The following EPHA1 variants were observed in gnomAD, a reference collection of about 807,000 sequenced individuals.
The protein encoded by EPHA1 is EPH receptor A1, also known as ephrin type-A receptor 1.
Under a neutral mutation model 110.1 loss-of-function variants are expected in EPHA1, and 92 were observed. The ratio of observed to expected loss-of-function variants is 0.84; its 90% CI spans 0.71 to 0.99. The LOEUF is 0.99. Ranked by LOEUF, EPHA1 falls within the 50% of genes least tolerant of loss-of-function variation. The pLI, the probability that EPHA1 is intolerant of heterozygous loss-of-function variation, is 0.00. For missense variants in EPHA1, 1,204 were observed against 1,285.4 expected, an observed-to-expected ratio of 0.94 and a Z score of 0.97; for synonymous variants, 500 against 516.1, an observed-to-expected ratio of 0.97 and a Z score of 0.42.
At chr7:143,398,186 C>T (rs1021182740) in intron 7 of EPHA1, 116 bp from the exon 8 acceptor site, 87 of 1,573,752 alleles carry the variant, frequency 5.5e-5, no homozygotes, top group Non-Finnish European at 6.9e-5. Flanking sequence ...GGACAGGGTT[C>T]TTCATAGACT....
chr7:143,394,780 G>A (rs1461492660), intron 14 of EPHA1, 28 bp downstream of exon 14: 3 of 1,612,650 alleles, frequency 1.9e-6, no homozygotes, highest in South Asian at 1.1e-5. Flanking sequence ...CAATGTGAAT[G>A]TGCACTGGGT....
At chr7:143,405,781 C>T (rs775409849) in intron 2 of EPHA1, among the ~76,000 whole-genome samples, 1 of 152,128 alleles carries the variant, frequency 6.6e-6, no homozygotes, top group African/African-American at 2.4e-5. Flanking sequence ...TCTATTAGCT[C>T]TAATTACAGG....
chr7:143,401,243 C>T lies in EPHA1; in HGVS notation c.432+81G>A, dbSNP rs1445907027. 1 of 1,537,482 alleles carries T rather than the reference C, an allele frequency of 6.5e-7. No homozygotes were observed. Among genetic ancestry groups the T allele is most frequent in the Non-Finnish European group, 8.8e-7 (1 of 1,138,530 alleles). ...TTCTACCTCTGCACCCTCTTCCTGT[C>T]TCTGCAACCTTCTCTGGCACCCAAT... On this transcript the variant is annotated intron_variant, in intron 3 of 17. Transcript: ENST00000275815. The surrounding 1 kb of genome is among the most constrained non-coding windows in gnomAD (Gnocchi z 4.1).
chr7:143,397,917 C>T lies in EPHA1; in HGVS notation c.1615+3G>A, dbSNP rs1476983045. The T allele has an allele frequency of 1.2e-6, 2 of 1,613,784 alleles. No individual in the cohort carries two copies. The highest frequency in any genetic ancestry group is 1.7e-5 in the Admixed American group (1 of 59,996). ...TGTTGGGGCAGAGCACAAGATACCCCACCTGGTGGGCTGGTCCGAAACTCA... is the reference window on the plus strand; with the variant it reads ...TGTTGGGGCAGAGCACAAGATACCCTACCTGGTGGGCTGGTCCGAAACTCA... On this transcript the variant is annotated splice_donor_region_variant and intron_variant, in intron 8 of 17. Transcript: ENST00000275815.
In EPHA1 at chr7:143,401,551, A is replaced by G; in HGVS notation, c.205T>C (p.Cys69Arg). 6.2e-7 allele frequency: 1 copy of G among 1,614,150 alleles called. No homozygotes were observed. ...GTGTCTCTGCGTCCTTGCATTGGGC[A>G]GTCCTGGTACATGTACAGGGGTGTC... ...NGTPLYMYQD[C>R]PMQGRRDTDH... is the part of the protein sequence containing the mutation. The change falls in exon 3 of 18, where the codon TGC becomes CGC. Residue 69 changes from cysteine to arginine, a missense_variant. Coordinates refer to ENST00000275815, the MANE Select transcript of EPHA1 (RefSeq NM_005232.5). This position sits in a 1 kb window ranked among gnomAD's most constrained non-coding sequence, Gnocchi z 4.1.
rs939797299 is a variant in EPHA1 at position 143,401,023 on chromosome 7, C to A, written c.432+301G>T. ...ATCCTCCTGCCTCAGCCTCCTGAGT[C>A]GCTGGGACTACAGGTATGGGCCACC... On this transcript the variant is annotated intron_variant, in intron 3 of 17. Coordinates refer to ENST00000275815, the MANE Select transcript of EPHA1 (RefSeq NM_005232.5). The surrounding 1 kb of genome is among the most constrained non-coding windows in gnomAD (Gnocchi z 4.1). 8.6e-5 allele frequency: 33 copies of A among 384,150 alleles called. No homozygotes were observed. Among genetic ancestry groups the A allele is most frequent in the Middle Eastern group, 7.8e-4 (1 of 1,278 alleles). The allele number at this position is 384,150 out of a possible 1,614,324, so 23.8% of individuals were successfully genotyped here. A position where few individuals can be genotyped will look rare whatever the true frequency, so the allele number is the denominator to read the frequency against.
At chr7:143,407,953 C>T (rs1260569887) in intron 1 of EPHA1, 1 of 264,268 alleles carries the variant, frequency 3.8e-6, no homozygotes, top group Non-Finnish European at 7.2e-6. Flanking sequence ...GAAGAGCAGC[C>T]CCACGAGACG....
Position 143,393,860 on chromosome 7 carries a change from A to G in EPHA1, c.2507T>C (p.Met836Thr), listed in dbSNP as rs1805163746. 1 of 1,555,262 alleles carries G rather than the reference A, an allele frequency of 6.4e-7. No individual in the cohort carries two copies. Among genetic ancestry groups the G allele is most frequent in the Admixed American group, 1.9e-5 (1 of 53,922 alleles). Reference sequence around the variant, plus strand: ...CCGGTACCCATCCTCAATGCTCTTCATAACCTGCACGGCGGGACAGGAGGA... The same window carrying G: ...CCGGTACCCATCCTCAATGCTCTTCGTAACCTGCACGGCGGGACAGGAGGA... The part of the protein sequence containing the change: ...PYGEMSNQEV[M>T]KSIEDGYRLP... The change falls in exon 16 of 18, where the codon ATG becomes ACG. Residue 836 changes from methionine to threonine, a missense_variant. By Grantham distance (81) the Met-to-Thr change is moderately conservative (BLOSUM62 -1). Transcript: ENST00000275815. The surrounding 1 kb of genome is among the most constrained non-coding windows in gnomAD (Gnocchi z 5.6).
chr7:143,397,625 C>G lies in EPHA1; in HGVS notation c.1648G>C (p.Ala550Pro), dbSNP rs1805295088. The G allele has an allele frequency of 6.2e-7, 1 of 1,614,194 alleles. No individual in the cohort carries two copies. The highest frequency in any genetic ancestry group is 2.2e-5 in the East Asian group (1 of 44,876). ...SRGLTGGEIV[A>P]VIFGLLLGAA... ...CCAAGCAGCAGCCCAAAGATGACGGCTACAATCTCTCCTCCAGTCAGGCCC... is the reference window on the plus strand; with the variant it reads ...CCAAGCAGCAGCCCAAAGATGACGGGTACAATCTCTCCTCCAGTCAGGCCC... The change falls in exon 9 of 18, where the codon GCC (alanine) becomes CCC (proline). Residue 550 changes from alanine (A) to proline (P), a missense_variant. By Grantham distance (27) the Ala-to-Pro change is conservative. Coordinates refer to ENST00000275815, the MANE Select transcript of EPHA1 (RefSeq NM_005232.5).
At position 143,399,987 on chromosome 7, in the gene EPHA1, T is replaced by G. The variant is rs763757809; in HGVS notation, c.499A>C (p.Asn167His). 1.2e-6 allele frequency: 2 copies of G among 1,613,994 alleles called. No individual in the cohort carries two copies. Among genetic ancestry groups the G allele is most frequent in the Non-Finnish European group, 8.5e-7 (1 of 1,179,994 alleles). The change falls in exon 4 of 18, where the codon AAT becomes CAT. Residue 167 changes from asparagine to histidine, a missense_variant. By Grantham distance (68) the Asn-to-His change is moderately conservative. Coordinates refer to ENST00000275815, the MANE Select transcript of EPHA1 (RefSeq NM_005232.5). ...CGGCCCAGAGAGCAGCGCTCCACATTCAGCTTCACGGAGCCAGACACAAGG... is the reference window on the plus strand; with the variant it reads ...CGGCCCAGAGAGCAGCGCTCCACATGCAGCTTCACGGAGCCAGACACAAGG... ...RDLVSGSVKL[N>H]VERCSLGRLT...
At chr7:143,396,351 CG>C in intron 11 of EPHA1, 33 bp downstream of exon 11, 2 of 1,600,764 alleles carry the variant, frequency 1.2e-6, no homozygotes, top group Non-Finnish European at 1.7e-6. Context: ...CCCCACATGG[CG>C]GGGGGCCTGC....
chr7:143,394,893 A>C lies in EPHA1; in HGVS notation c.2267T>G (p.Leu756Trp). The change falls in exon 14 of 18, where the codon TTG (leucine) becomes TGG (tryptophan). Residue 756 changes from leucine (L) to tryptophan (W), a missense_variant. Coordinates refer to ENST00000275815, the MANE Select transcript of EPHA1 (RefSeq NM_005232.5). ...CTTGCAGCACAGGTTTTGATTCACC[A>C]AGATGTTTCTGGCAGCCAGGTCCCG... ...VHRDLAARNI[L>W]VNQNLCCKVS... 6.2e-7 allele frequency: 1 copy of C among 1,614,138 alleles called. No homozygotes were observed. The highest frequency in any genetic ancestry group is 8.5e-7 in the Non-Finnish European group (1 of 1,180,040).
intron 16 of EPHA1, among the ~76,000 whole-genome samples, 165 bp from the exon 17 acceptor site, chr7:143,391,940 T>C (rs963346778): frequency 6.6e-5 from 10 of 152,230 alleles, no homozygotes; most frequent in Non-Finnish European, 1.2e-4. Context: ...TCCTGGCCTG[T>C]TTCCTGGTGT....
rs570463202 is a variant in EPHA1, at chr7:143,396,236, G to C, written c.1897+149C>G. Reference sequence around the variant, plus strand: ...AACGCAATGGTTCAAAGAGGATACAGAGCAGAGCAGAGTGAGTACCTCTGG... The same window carrying C: ...AACGCAATGGTTCAAAGAGGATACACAGCAGAGCAGAGTGAGTACCTCTGG... On this transcript the variant is annotated intron_variant, in intron 11 of 17. Coordinates refer to ENST00000275815, the MANE Select transcript of EPHA1 (RefSeq NM_005232.5). 3.5e-6 allele frequency: 4 copies of C among 1,133,064 alleles called. No homozygotes were observed. The South Asian group carries it at 6.4e-5, about 18-fold the overall frequency. The allele number at this position is 1,133,064 out of a possible 1,614,324, so 70.2% of individuals were successfully genotyped here.
chr7:143,393,981 G>A lies in EPHA1; in HGVS notation c.2503-117C>T, dbSNP rs1805167076. 1 of 1,310,960 alleles carries A rather than the reference G, an allele frequency of 7.6e-7. No individual in the cohort carries two copies. Among genetic ancestry groups the A allele is most frequent in the Non-Finnish European group, 1.0e-6 (1 of 964,070 alleles). 81.2% of individuals were successfully genotyped at this position (1,310,960 alleles called of 1,614,324 possible). A position where few individuals can be genotyped will look rare whatever the true frequency, so the allele number is the denominator to read the frequency against. Reference sequence around the variant, plus strand: ...GATCCTAGGATGGGAGGAGGTGGGAGGACCAGGGTGGGACGATCACAGTGG... The same window carrying A: ...GATCCTAGGATGGGAGGAGGTGGGAAGACCAGGGTGGGACGATCACAGTGG... On this transcript the variant is annotated intron_variant, in intron 15 of 17. Coordinates refer to ENST00000275815, the MANE Select transcript of EPHA1 (RefSeq NM_005232.5). This position sits in a 1 kb window ranked among gnomAD's most constrained non-coding sequence, Gnocchi z 5.6.
chr7:143,394,779 T>C (rs1805197558), intron 14 of EPHA1, 29 bp downstream of exon 14: 1 of 1,612,844 alleles, frequency 6.2e-7, no homozygotes, highest in Non-Finnish European at 8.5e-7. Context: ...GCAATGTGAA[T>C]GTGCACTGGG....
intron 2 of EPHA1, among the ~76,000 whole-genome samples, chr7:143,405,436 C>CGTGTGTGTGTGTGTGT (rs71523910): frequency 6.7e-6 from 1 of 149,428 alleles, no homozygotes; most frequent in Admixed American, 6.7e-5. Flanking sequence ...TGCATGTGTG[C>CGTGTGTGTGTGTGTGT]GTGTGTGTGT....
intron 16 of EPHA1, among the ~76,000 whole-genome samples, chr7:143,392,482 G>T (rs1805115715): frequency 6.6e-6 from 1 of 152,212 alleles, no homozygotes; most frequent in Admixed American, 6.5e-5. Context: ...ACAGAGGCCA[G>T]TTGGCCAGGC....
intron 1 of EPHA1, 43 bp downstream of exon 1, chr7:143,408,681 G>A (rs1486472299): frequency 6.6e-6 from 3 of 453,434 alleles, no homozygotes; most frequent in Non-Finnish European, 1.1e-5. Context: ...CCCGGGAAGG[G>A]GCGGGGCGCG....
Sources: allele counts gnomAD v4.1 joint callset (sites outside exome capture counted in the v4.1 genomes callset), GRCh38; gene constraint gnomAD v4.1.1; non-coding constraint Gnocchi (gnomAD v3.1); transcripts MANE v1.5; gene names NCBI Gene and HGNC (gene_info 2026-07-23, HGNC 2026-07-21).